LAMA3: variants seen among roughly 807,000 people sequenced by gnomAD.
LAMA3 encodes the protein laminin subunit alpha-3.
In LAMA3, 281 loss-of-function variants were observed where a neutral mutation model predicts 402.0. The observed-to-expected ratio is 0.70, with a 90% CI of 0.63 to 0.77. LAMA3 has a LOEUF of 0.77. Ranked by LOEUF, LAMA3 falls within the 30% of genes least tolerant of loss-of-function variation. LAMA3 has a pLI of 0.00. For missense variants in LAMA3, 3,840 were observed against 4,215.5 expected (o/e 0.91, Z 2.47); for synonymous variants, 1,431 against 1,558.4 (o/e 0.92, Z 1.93).
chr18:23,754,909 T>G (rs2143626322), intron 6 of LAMA3, among the ~76,000 whole-genome samples: 1 of 152,346 alleles, frequency 6.6e-6, no homozygotes, highest in East Asian at 1.9e-4. Flanking sequence ...TCTAGCTTTG[T>G]GTTCAGGCAG....
intron 12 of LAMA3, among the ~76,000 whole-genome samples, chr18:23,793,164 C>T (rs1483500617): frequency 6.6e-6 from 1 of 152,084 alleles, no homozygotes; most frequent in East Asian, 1.9e-4. Flanking sequence ...GACATAGGGG[C>T]TACCCCTAGT....
At chr18:23,747,280 C>A (rs1012934453) in intron 2 of LAMA3, among the ~76,000 whole-genome samples, 3 of 152,148 alleles carry the variant, frequency 2.0e-5, no homozygotes, top group African/African-American at 7.2e-5. Context: ...ACACATGAGG[C>A]ACCATGGAGT....
At chr18:23,916,359 G>A (rs760479788) in intron 59 of LAMA3, among the ~76,000 whole-genome samples, 192 bp from the exon 60 acceptor site, 3 of 152,172 alleles carry the variant, frequency 2.0e-5, no homozygotes, top group Non-Finnish European at 4.4e-5. Context: ...CAGAGTATGA[G>A]AGCACATCCA....
chr18:23,769,296 GAATA>G (rs1338606454), intron 8 of LAMA3, among the ~76,000 whole-genome samples: 2 of 151,884 alleles, frequency 1.3e-5, no homozygotes, highest in African/African-American at 4.8e-5. Flanking sequence ...TTAGAGGAGA[GAATA>G]AATAATGGAA....
intron 6 of LAMA3, among the ~76,000 whole-genome samples, chr18:23,757,494 T>C (rs2061873827): frequency 1.1e-5 from 1 of 92,646 alleles, no homozygotes; most frequent in East Asian, 3.4e-4. Context: ...TCACTGCCAC[T>C]AGACCCTTCT....
intron 6 of LAMA3, among the ~76,000 whole-genome samples, chr18:23,756,090 A>AAATTGCCTCTCCAAC (rs745372127): frequency 1.5e-3 from 233 of 152,318 alleles, no homozygotes; most frequent in Non-Finnish European, 2.9e-3. Flanking sequence ...CAATGAGCTG[A>AAATTGCCTCTCCAAC]AATTGCCTCT....
rs568127205 is a variant in LAMA3, at chr18:23,802,956, A to G, written c.1604-7410A>G. Among the ~76,000 whole-genome samples, 3 of 152,310 alleles carry G rather than the reference A, an allele frequency of 2.0e-5. No individual in the cohort carries two copies. The South Asian group carries it at 6.2e-4, about 32-fold the overall frequency. ...TTTCAAAAGGCCATTCCACTGTTGT[A>G]TTAAGCCACCTGTTCAGGATGGTGG... On this transcript the variant is annotated intron_variant, in intron 12 of 74. Coordinates refer to ENST00000313654, the MANE Select transcript of LAMA3 (RefSeq NM_198129.4).
rs529572478 is a variant in LAMA3, at chr18:23,918,172, G to A, written c.7923+1477G>A. On this transcript the variant is annotated intron_variant, in intron 60 of 74. Coordinates refer to ENST00000313654, the MANE Select transcript of LAMA3 (RefSeq NM_198129.4). The surrounding 1 kb of genome is among the most constrained non-coding windows in gnomAD (Gnocchi z 4.1). Reference sequence around the variant, plus strand: ...AGTCCTTTCCCCATTGCTTGTTTTTGTTGACTTTGTCGAAGATCAGATGGT... The same window carrying A: ...AGTCCTTTCCCCATTGCTTGTTTTTATTGACTTTGTCGAAGATCAGATGGT... 6.6e-6 allele frequency among the ~76,000 whole-genome samples: 1 copy of A among 152,174 alleles called. No homozygotes were observed. The highest frequency in any genetic ancestry group is 6.5e-5 in the Admixed American group (1 of 15,276).
intron 1 of LAMA3, among the ~76,000 whole-genome samples, chr18:23,711,757 G>A (rs1304388491): frequency 1.3e-5 from 2 of 152,122 alleles, no homozygotes; most frequent in Non-Finnish European, 2.9e-5. Flanking sequence ...TATAAACTGG[G>A]TGGTGCCCAG....
At chr18:23,756,719 G>A (rs2061851594) in intron 6 of LAMA3, among the ~76,000 whole-genome samples, 2 of 152,184 alleles carry the variant, frequency 1.3e-5, no homozygotes, top group Admixed American at 1.3e-4. Flanking sequence ...GATGTTGTAA[G>A]GGCCGGACGA....
intron 12 of LAMA3, among the ~76,000 whole-genome samples, chr18:23,794,305 C>T (rs2144116898): frequency 6.6e-6 from 1 of 152,372 alleles, no homozygotes; most frequent in South Asian, 2.1e-4. Flanking sequence ...AGGCCTGTCC[C>T]AAGGCCTAAC....
rs200811487 is a variant in LAMA3 at position 23,845,009 on chromosome 18, G to T, written c.3604G>T (p.Val1202Phe). ...KVPEGKSLVLVRVLVVPAENY... is the reference protein window; with the variant it reads ...KVPEGKSLVLFRVLVVPAENY... ...AGACATGCTGGTGGATTTCTTTCAG[G>T]TCCGTGTTCTAGTGGTGCCTGCAGA... Residue 1202 changes from valine (V) to phenylalanine (F), a missense_variant and splice_region_variant, in exon 30 of 75, where the codon GTC becomes TTC. Coordinates refer to ENST00000313654, the MANE Select transcript of LAMA3 (RefSeq NM_198129.4). The T allele has an allele frequency of 2.9e-5, 45 of 1,539,874 alleles. No individual in the cohort carries two copies. Among genetic ancestry groups the T allele is most frequent in the Non-Finnish European group, 3.8e-5 (42 of 1,112,700 alleles).
At chr18:23,702,101 A>G (rs1016523435) in intron 1 of LAMA3, among the ~76,000 whole-genome samples, 2 of 151,526 alleles carry the variant, frequency 1.3e-5, no homozygotes, top group Non-Finnish European at 2.9e-5. Context: ...ATGGGTACAG[A>G]TGTTGTGAGG....
At position 23,921,055 on chromosome 18, in the gene LAMA3, G is replaced by A. The variant is rs761986688; in HGVS notation, c.8043+1G>A. ...CATAAACAACGGCAGAGACCATTCG[G>A]TACACCTTTTGAGTCTGTTTACTTG... On this transcript the variant is annotated splice_donor_variant, in intron 61 of 74. Transcript: ENST00000313654. LOFTEE classifies it high-confidence loss of function. The A allele has an allele frequency of 6.2e-7, 1 of 1,613,880 alleles. No homozygotes were observed. Among genetic ancestry groups the A allele is most frequent in the Non-Finnish European group, 8.5e-7 (1 of 1,179,932 alleles).
chr18:23,770,709 C>T (rs1438976231), intron 8 of LAMA3, among the ~76,000 whole-genome samples: 6 of 152,036 alleles, frequency 3.9e-5, no homozygotes, highest in South Asian at 2.1e-4. Flanking sequence ...TGCAGTGAGT[C>T]GAGATCGCGC....
chr18:23,897,496 A>G (rs145326293), intron 44 of LAMA3, among the ~76,000 whole-genome samples: 94 of 152,286 alleles, frequency 6.2e-4, no homozygotes, highest in African/African-American at 2.2e-3. Context: ...GCTGTTTGCC[A>G]CACCCTGTGC....
chr18:23,857,569 G>T (rs562924890), intron 32 of LAMA3, among the ~76,000 whole-genome samples: 1 of 152,300 alleles, frequency 6.6e-6, no homozygotes, highest in East Asian at 1.9e-4. Context: ...CTCCAGGCTC[G>T]GGGGCCATGT....
At chr18:23,888,787 C>T (rs1396559466) in intron 41 of LAMA3, among the ~76,000 whole-genome samples, 2 of 151,968 alleles carry the variant, frequency 1.3e-5, no homozygotes. Context: ...ACCATATTCC[C>T]TTGAGTCTAT....
chr18:23,941,013 G>C (rs182819802), intron 68 of LAMA3, among the ~76,000 whole-genome samples: 7 of 149,054 alleles, frequency 4.7e-5, no homozygotes, highest in Non-Finnish European at 7.4e-5. Context: ...TTGGCTCACT[G>C]CAACTTCCAC....
Sources: gnomAD v4.1 joint callset for allele counts (sites outside exome capture counted in the v4.1 genomes callset) on GRCh38, gnomAD v4.1.1 for gene constraint, Gnocchi (gnomAD v3.1) non-coding constraint, MANE v1.5 for transcripts, NCBI Gene and HGNC (gene_info 2026-07-23, HGNC 2026-07-21) for gene names.